The following LIN28B variants were observed in gnomAD, a reference collection of about 807,000 sequenced individuals.
LIN28B encodes lin-28 RNA binding posttranscriptional regulator B, also known as protein lin-28 homolog B.
LIN28B carries 5 observed loss-of-function variants against 21.9 expected under a neutral mutation model. The observed-to-expected ratio is 0.23, with a 90% CI of 0.12 to 0.48. LIN28B has a LOEUF of 0.48. Among genes scored for constraint, LIN28B ranks in the 20% least tolerant of loss-of-function variants. LIN28B has a pLI of 0.98. For missense variants in LIN28B, 245 were observed against 310.5 expected, an observed-to-expected ratio of 0.79 and a Z score of 1.58; for synonymous variants, 109 against 111.3, an observed-to-expected ratio of 0.98 and a Z score of 0.13.
intron 2 of LIN28B, among the ~76,000 whole-genome samples, chr6:105,003,577 A>G (rs1266991519): frequency 1.3e-5 from 2 of 151,882 alleles, no homozygotes; most frequent in Non-Finnish European, 2.9e-5. Flanking sequence ...CAGTGGTGCA[A>G]TCTTGGCTCA....
At chr6:104,985,037 C>G (rs1472166379) in intron 2 of LIN28B, among the ~76,000 whole-genome samples, 2 of 152,160 alleles carry the variant, frequency 1.3e-5, no homozygotes, top group Non-Finnish European at 2.9e-5. Context: ...GTAATAAATA[C>G]TTCCACCATG....
rs888907149 is a variant in LIN28B at position 104,950,430 on chromosome 6, T to C, written c.19-31T>C. 6.8e-6 allele frequency: 8 copies of C among 1,171,198 alleles called. No homozygotes were observed. In the African/African-American group the frequency reaches 9.5e-5, roughly 14 times the overall value. The allele number at this position is 1,171,198 out of a possible 1,614,324, so 72.6% of individuals were successfully genotyped here. On this transcript the variant is annotated intron_variant, in intron 2 of 5. Transcript: ENST00000635857. ...AAGAGGCAATTAAATAGGCAATTAATGTAGTACTGACTTGAGCTCTCTGAT... is the reference window on the plus strand; with the variant it reads ...AAGAGGCAATTAAATAGGCAATTAACGTAGTACTGACTTGAGCTCTCTGAT...
chr6:105,061,648 T>C (rs1468754888), intron 3 of LIN28B, among the ~76,000 whole-genome samples: 2 of 151,994 alleles, frequency 1.3e-5, no homozygotes, highest in Admixed American at 6.6e-5. Flanking sequence ...ATGTATCTCA[T>C]TTAAGACCAA....
intron 3 of LIN28B, among the ~76,000 whole-genome samples, chr6:105,042,760 T>A (rs924173678): frequency 6.6e-6 from 1 of 152,198 alleles, no homozygotes; most frequent in African/African-American, 2.4e-5. Flanking sequence ...AGCCAGGTTT[T>A]CTAAAAGTGC....
Position 105,030,635 on chromosome 6 carries a change from C to T in LIN28B, c.383+4153C>T, listed in dbSNP as rs9386436. 3.8e-3 allele frequency among the ~76,000 whole-genome samples: 463 copies of T among 120,900 alleles called. 24 individuals are homozygous for T. The East Asian group carries it at 0.098, about 26-fold the overall frequency. The allele number at this position is 120,900 out of a possible 152,430, so 79.3% of individuals were successfully genotyped here. A position where few individuals can be genotyped will look rare whatever the true frequency, so the allele number is the denominator to read the frequency against. ...TTTTGGAGACAGAGTTTGCTCTTGT[C>T]GCCCAGTCTGGAGTGCAATGGCCTG... On this transcript the variant is annotated intron_variant, in intron 3 of 3. Coordinates refer to ENST00000345080, the MANE Select transcript of LIN28B (RefSeq NM_001004317.4).
chr6:105,072,291 G>A (rs749743138), intron 3 of LIN28B, among the ~76,000 whole-genome samples: 2 of 151,968 alleles, frequency 1.3e-5, no homozygotes, highest in Non-Finnish European at 2.9e-5. Flanking sequence ...AGATATTGTA[G>A]TTCCCAATTC....
At chr6:105,050,008 G>T (rs1204152916) in intron 3 of LIN28B, among the ~76,000 whole-genome samples, 1 of 152,130 alleles carries the variant, frequency 6.6e-6, no homozygotes, top group Non-Finnish European at 1.5e-5. Context: ...TACATTTAAG[G>T]TTAATATTGT....
chr6:104,956,280 C>T (rs1033796959), upstream of LIN28B, among the ~76,000 whole-genome samples: 1 of 151,954 alleles, frequency 6.6e-6, no homozygotes, highest in African/African-American at 2.4e-5. Context: ...GGGGAACAAT[C>T]GCCACTGATT....
chr6:104,995,702 A>G (rs1770584226), intron 2 of LIN28B, among the ~76,000 whole-genome samples: 1 of 152,182 alleles, frequency 6.6e-6, no homozygotes, highest in Non-Finnish European at 1.5e-5. Context: ...GATCCACAAG[A>G]AGCATATCTT....
chr6:104,964,273 C>T (rs1237178093), intron 2 of LIN28B, among the ~76,000 whole-genome samples: 1 of 152,150 alleles, frequency 6.6e-6, no homozygotes, highest in African/African-American at 2.4e-5. Flanking sequence ...AGAGATACTC[C>T]CTCCTCAGCC....
At chr6:105,060,412 G>C (rs1772103705) in intron 3 of LIN28B, among the ~76,000 whole-genome samples, 1 of 152,094 alleles carries the variant, frequency 6.6e-6, no homozygotes, top group Admixed American at 6.5e-5. Flanking sequence ...TTATAGGAGT[G>C]AGCCACTGTG....
At position 104,962,386 on chromosome 6, in the gene LIN28B, C is replaced by A. The variant is rs565148554; in HGVS notation, c.198+4100C>A. On this transcript the variant is annotated intron_variant, in intron 2 of 3. Transcript: ENST00000345080. ...TTTACCTTACAAGTATTGGTGTTTT[C>A]TTCTTATGGTCTTTATTTTTGAATT... Among the ~76,000 whole-genome samples the A allele has an allele frequency of 9.8e-4, 149 of 151,922 alleles. No homozygotes were observed. The Middle Eastern group carries it at 0.011, about 12-fold the overall frequency.
intron 2 of LIN28B, among the ~76,000 whole-genome samples, chr6:104,987,722 TA>T (rs1770375462): frequency 6.6e-6 from 1 of 152,162 alleles, no homozygotes; most frequent in Non-Finnish European, 1.5e-5. Context: ...ATAATAATTT[TA>T]TTTCTTGTTT....
At chr6:104,942,285 CTT>C (rs1341272829) in intron 2 of LIN28B, among the ~76,000 whole-genome samples, 9 of 152,128 alleles carry the variant, frequency 5.9e-5, no homozygotes, top group Admixed American at 3.3e-4. Context: ...GAAAATATGA[CTT>C]AAAGTGATTT....
intron 2 of LIN28B, among the ~76,000 whole-genome samples, chr6:104,997,672 T>G (rs1415765776): frequency 1.3e-5 from 2 of 151,830 alleles, no homozygotes; most frequent in Non-Finnish European, 2.9e-5. Context: ...TGATAGAGAA[T>G]AATGATGGTA....
chr6:104,947,497 G>C (rs898603729), intron 2 of LIN28B, among the ~76,000 whole-genome samples: 22 of 152,148 alleles, frequency 1.4e-4, no homozygotes, highest in African/African-American at 5.3e-4. Flanking sequence ...TACAACAGTG[G>C]ATTTTAACAA....
intron 2 of LIN28B, among the ~76,000 whole-genome samples, chr6:105,003,370 C>T (rs1770754740): frequency 6.6e-6 from 1 of 152,054 alleles, no homozygotes; most frequent in East Asian, 1.9e-4. Context: ...CATAAGATGA[C>T]CTTAGAACAT....
intron 3 of LIN28B, among the ~76,000 whole-genome samples, chr6:105,066,643 C>T (rs1772225610): frequency 6.6e-6 from 1 of 151,768 alleles, no homozygotes; most frequent in Admixed American, 6.6e-5. Context: ...TTTTGTATAC[C>T]TAAGGTATTT....
intron 3 of LIN28B, among the ~76,000 whole-genome samples, chr6:105,073,843 A>G (rs1772376610): frequency 6.6e-6 from 1 of 152,148 alleles, no homozygotes; most frequent in Non-Finnish European, 1.5e-5. Context: ...TAATGTCTAT[A>G]TTTTAACCTA....
Sources: allele counts gnomAD v4.1 joint callset (sites outside exome capture counted in the v4.1 genomes callset), GRCh38; gene constraint gnomAD v4.1.1; transcripts MANE v1.5; gene names NCBI Gene and HGNC (gene_info 2026-07-23, HGNC 2026-07-21).